SH3BP4: variants seen among roughly 807,000 people sequenced by gnomAD.
SH3BP4 encodes SH3 domain binding protein 4.
SH3BP4 carries 33 observed loss-of-function variants against 65.5 expected under a neutral mutation model. That is an observed-to-expected ratio of 0.50 (90% confidence interval 0.38 to 0.67). The LOEUF (loss-of-function observed/expected upper bound fraction) is 0.67. SH3BP4 is among the 30% of genes least tolerant of loss of function. SH3BP4 has a pLI of 0.00. For missense variants in SH3BP4, 1,134 were observed against 1,261.4 expected (o/e 0.90, Z 1.53); for synonymous variants, 552 against 545.5 (o/e 1.01, Z -0.17).
chr2:235,034,987 G>A lies in SH3BP4; in HGVS notation c.-16G>A. ...TATGAAGCCTTAGCGGCTTTACCCGGGAAGCGAGTTTCGAGATGGCGGCTC... is the reference window on the plus strand; with the variant it reads ...TATGAAGCCTTAGCGGCTTTACCCGAGAAGCGAGTTTCGAGATGGCGGCTC... On this transcript the variant is annotated 5_prime_UTR_variant, in exon 3 of 6. Transcript: ENST00000392011. The surrounding 1 kb of genome is among the most constrained non-coding windows in gnomAD (Gnocchi z 6.2). The A allele has an allele frequency of 6.2e-7, 1 of 1,609,364 alleles. No individual in the cohort carries two copies. Among genetic ancestry groups the A allele is most frequent in the Non-Finnish European group, 8.5e-7 (1 of 1,176,050 alleles).
At position 234,997,889 on chromosome 2, in the gene SH3BP4, G is replaced by A. The variant is rs113140631; in HGVS notation, c.-133+2513G>A. 2.0e-5 allele frequency among the ~76,000 whole-genome samples: 3 copies of A among 152,258 alleles called. No homozygotes were observed. The highest frequency in any genetic ancestry group is 4.8e-5 in the African/African-American group (2 of 41,556). ...TGTAATCCCAGCACTTTGGGAGGCC[G>A]AGGTGGGCGGATCACGAGATCAGGA... On this transcript the variant is annotated intron_variant, in intron 2 of 5. Coordinates refer to ENST00000392011, the MANE Select transcript of SH3BP4 (RefSeq NM_014521.3). This position sits in a 1 kb window ranked among gnomAD's most constrained non-coding sequence, Gnocchi z 4.2.
At chr2:234,959,481 C>G (rs1265607067) in intron 1 of SH3BP4, among the ~76,000 whole-genome samples, 1 of 152,148 alleles carries the variant, frequency 6.6e-6, no homozygotes, top group Non-Finnish European at 1.5e-5. Context: ...GGCAGTAAAA[C>G]TTACAATATA....
intron 4 of SH3BP4, among the ~76,000 whole-genome samples, chr2:235,051,467 C>T (rs1013430807): frequency 3.9e-5 from 6 of 152,220 alleles, no homozygotes; most frequent in African/African-American, 1.4e-4. Flanking sequence ...CCAGCCTCAG[C>T]TGGGACTTCA....
Position 235,041,276 on chromosome 2 carries a change from A to T in SH3BP4, c.507A>T (p.Pro169=). Reference sequence around the variant, plus strand: ...TCTGGAATGGGGTCCAGACCAATCCATTTCTGAATGGGAACGTGCCCGTCA... The same window carrying T: ...TCTGGAATGGGGTCCAGACCAATCCTTTTCTGAATGGGAACGTGCCCGTCA... ...NPFWNGVQTN[P]FLNGNVPVMP... Residue 169 remains proline (P), a synonymous_variant, in exon 4 of 6, where the codon CCA becomes CCT. Transcript: ENST00000392011. This position sits in a 1 kb window ranked among gnomAD's most constrained non-coding sequence, Gnocchi z 6.0. The T allele has an allele frequency of 6.2e-7, 1 of 1,613,968 alleles. No individual in the cohort carries two copies. The highest frequency in any genetic ancestry group is 8.5e-7 in the Non-Finnish European group (1 of 1,180,012).
At chr2:235,012,680 C>A (rs1184974781) in intron 2 of SH3BP4, among the ~76,000 whole-genome samples, 1 of 152,220 alleles carries the variant, frequency 6.6e-6, no homozygotes, top group Non-Finnish European at 1.5e-5. Context: ...CTATCACCCA[C>A]CTTACTCCTC....
At chr2:235,012,392 G>A (rs1203731395) in intron 2 of SH3BP4, among the ~76,000 whole-genome samples, 19 of 152,228 alleles carry the variant, frequency 1.2e-4, no homozygotes, top group Admixed American at 1.2e-3. Context: ...GTCCTGTAAC[G>A]TTCTATAAAT....
intron 2 of SH3BP4, among the ~76,000 whole-genome samples, chr2:235,029,121 T>C (rs1007723953): frequency 1.3e-5 from 2 of 152,154 alleles, no homozygotes; most frequent in African/African-American, 4.8e-5. Flanking sequence ...TGACTGTAAT[T>C]GCATCGAGAG....
chr2:235,040,158 C>A (rs1051770259), intron 3 of SH3BP4, among the ~76,000 whole-genome samples: 4 of 152,218 alleles, frequency 2.6e-5, no homozygotes, highest in Non-Finnish European at 2.9e-5. Flanking sequence ...TCACTTGAAT[C>A]TGAGCGGCTG....
chr2:234,978,199 G>A lies in SH3BP4; in HGVS notation c.-206-17104G>A, dbSNP rs1358239785. Among the ~76,000 whole-genome samples the A allele has an allele frequency of 6.6e-6, 1 of 151,958 alleles. No individual in the cohort carries two copies. The highest frequency in any genetic ancestry group is 2.4e-5 in the African/African-American group (1 of 41,362). On this transcript the variant is annotated intron_variant, in intron 1 of 5. Transcript: ENST00000392011. This position sits in a 1 kb window ranked among gnomAD's most constrained non-coding sequence, Gnocchi z 4.1. ...TCGAACTCCCGACCTCAGGTGATCC[G>A]CCTGCCTCAGCCTCCCAAAGTGCTG...
At chr2:234,957,431 G>A (rs761947793) in intron 1 of SH3BP4, among the ~76,000 whole-genome samples, 1 of 151,748 alleles carries the variant, frequency 6.6e-6, no homozygotes, top group East Asian at 2.0e-4. Flanking sequence ...CCACCCACAC[G>A]ACACCCCTGC....
intron 1 of SH3BP4, 142 bp from the exon 2 acceptor site, chr2:234,995,161 C>T (rs947772262): frequency 7.9e-5 from 12 of 152,450 alleles, no homozygotes; most frequent in African/African-American, 2.9e-4. Context: ...TGGCAGCGTC[C>T]ACCACCATCC....
Position 235,052,813 on chromosome 2 carries a change from G to A in SH3BP4, c.2667+63G>A. ...CTGTCCCTGGGTTCCGTGGACCCATGCAGTGCAGCCATAAAAAGTCTTGCC... is the reference window on the plus strand; with the variant it reads ...CTGTCCCTGGGTTCCGTGGACCCATACAGTGCAGCCATAAAAAGTCTTGCC... On this transcript the variant is annotated intron_variant, in intron 5 of 5. Coordinates refer to ENST00000392011, the MANE Select transcript of SH3BP4 (RefSeq NM_014521.3). This position sits in a 1 kb window ranked among gnomAD's most constrained non-coding sequence, Gnocchi z 5.0. The A allele has an allele frequency of 6.9e-7, 1 of 1,439,760 alleles. No individual in the cohort carries two copies. Among genetic ancestry groups the A allele is most frequent in the Non-Finnish European group, 9.3e-7 (1 of 1,075,108 alleles). The allele number at this position is 1,439,760 out of a possible 1,614,324, so 89.2% of individuals were successfully genotyped here.
intron 2 of SH3BP4, among the ~76,000 whole-genome samples, chr2:235,024,074 G>T (rs909390571): frequency 6.6e-6 from 1 of 152,258 alleles, no homozygotes; most frequent in East Asian, 1.9e-4. Context: ...TAGATATCTC[G>T]ATTAGTAATT....
At chr2:234,990,588 G>A (rs567005807) in intron 1 of SH3BP4, among the ~76,000 whole-genome samples, 10 of 152,344 alleles carry the variant, frequency 6.6e-5, no homozygotes, top group African/African-American at 2.4e-4. Context: ...GCGTGGACCA[G>A]CTCTTGGTGT....
chr2:234,972,299 T>G (rs541000441), intron 1 of SH3BP4, among the ~76,000 whole-genome samples: 1 of 152,018 alleles, frequency 6.6e-6, no homozygotes, highest in South Asian at 2.1e-4. Flanking sequence ...GCCCGGCTAA[T>G]TTTTGTATTT....
chr2:234,985,706 C>G (rs1693530721), intron 1 of SH3BP4, among the ~76,000 whole-genome samples: 1 of 152,172 alleles, frequency 6.6e-6, no homozygotes. Flanking sequence ...AAGCAGCCCT[C>G]GATGCACACC....
intron 4 of SH3BP4, among the ~76,000 whole-genome samples, chr2:235,050,962 C>A (rs1696031684): frequency 6.6e-6 from 1 of 152,208 alleles, no homozygotes; most frequent in African/African-American, 2.4e-5. Context: ...CTCTTAGCAA[C>A]TCGCCTGTCC....
intron 2 of SH3BP4, among the ~76,000 whole-genome samples, chr2:235,017,689 C>T (rs1694731774): frequency 6.6e-6 from 1 of 152,122 alleles, no homozygotes. Flanking sequence ...CTCCAGGGGC[C>T]CAGTGTCATT....
At chr2:235,011,754 A>T (rs536696974) in intron 2 of SH3BP4, among the ~76,000 whole-genome samples, 5 of 152,370 alleles carry the variant, frequency 3.3e-5, no homozygotes, top group African/African-American at 1.2e-4. Flanking sequence ...TTGTCAGAAC[A>T]TATGCCTGTA....
Sources: gnomAD v4.1 joint callset for allele counts (sites outside exome capture counted in the v4.1 genomes callset) on GRCh38, gnomAD v4.1.1 for gene constraint, Gnocchi (gnomAD v3.1) non-coding constraint, MANE v1.5 for transcripts, NCBI Gene and HGNC (gene_info 2026-07-23, HGNC 2026-07-21) for gene names.